IGSF21: variants seen among roughly 807,000 people sequenced by gnomAD.
IGSF21 encodes the protein immunoglobulin superfamily member 21.
Under a neutral mutation model 46.8 loss-of-function variants are expected in IGSF21, and 28 were observed. The ratio of observed to expected loss-of-function variants is 0.60; its 90% CI spans 0.44 to 0.82. IGSF21 has a LOEUF of 0.82. Among genes scored for constraint, IGSF21 ranks in the 40% least tolerant of loss-of-function variants. The pLI, the probability that IGSF21 is intolerant of heterozygous loss-of-function variation, is 0.00. For synonymous variants in IGSF21, 284 were observed against 273.6 expected, an observed-to-expected ratio of 1.04 and a Z score of -0.38; for missense variants, 624 against 665.5, an observed-to-expected ratio of 0.94 and a Z score of 0.69.
intron 3 of IGSF21, among the ~76,000 whole-genome samples, chr1:18,317,162 A>T (rs894379994): frequency 9.2e-5 from 14 of 152,172 alleles, no homozygotes; most frequent in African/African-American, 3.4e-4. Flanking sequence ...TTAGAACCAA[A>T]GCCTTCTCAG....
intron 1 of IGSF21, among the ~76,000 whole-genome samples, chr1:18,155,249 C>A (rs1055205834): frequency 6.6e-6 from 1 of 152,144 alleles, no homozygotes; most frequent in Admixed American, 6.5e-5. Flanking sequence ...ACCTGGCACC[C>A]AGCACGGGAT....
chr1:18,277,665 G>A (rs982018498), intron 2 of IGSF21, among the ~76,000 whole-genome samples: 16 of 152,254 alleles, frequency 1.1e-4, no homozygotes, highest in East Asian at 3.9e-4. Flanking sequence ...CAAACATAGC[G>A]TCTCCTTGAC....
chr1:18,224,532 T>A (rs755398437), intron 1 of IGSF21, among the ~76,000 whole-genome samples: 22 of 152,214 alleles, frequency 1.4e-4, no homozygotes, highest in Non-Finnish European at 2.2e-4. Flanking sequence ...TTTATTTGAT[T>A]ATGGGCTCTT....
At chr1:18,125,882 C>A (rs760783495) in intron 1 of IGSF21, among the ~76,000 whole-genome samples, 4 of 152,172 alleles carry the variant, frequency 2.6e-5, no homozygotes, top group African/African-American at 4.8e-5. Context: ...CCAGACCCTG[C>A]GCAGGCCTTG....
chr1:18,157,986 C>A (rs557497778), intron 1 of IGSF21, among the ~76,000 whole-genome samples: 1 of 152,280 alleles, frequency 6.6e-6, no homozygotes, highest in African/African-American at 2.4e-5. Context: ...AAAGGTAGAA[C>A]GTGCATCTCC....
At chr1:18,204,466 TTC>T (rs1326011168) in intron 1 of IGSF21, among the ~76,000 whole-genome samples, 1 of 152,180 alleles carries the variant, frequency 6.6e-6, no homozygotes, top group Non-Finnish European at 1.5e-5. Flanking sequence ...AAAATCTTCC[TTC>T]TTTGAGTGTG....
intron 2 of IGSF21, among the ~76,000 whole-genome samples, chr1:18,230,720 A>G (rs546222892): frequency 2.0e-5 from 3 of 152,142 alleles, no homozygotes; most frequent in East Asian, 3.9e-4. Context: ...TCTCTTCCCA[A>G]AGAGGCAGCT....
At chr1:18,320,244 A>G (rs2124593268) in intron 3 of IGSF21, among the ~76,000 whole-genome samples, 1 of 152,334 alleles carries the variant, frequency 6.6e-6, no homozygotes, top group Non-Finnish European at 1.5e-5. Context: ...AGGGGCTGAT[A>G]GGAGAAGCTG....
chr1:18,135,106 C>G (rs1417029373), intron 1 of IGSF21, among the ~76,000 whole-genome samples: 3 of 152,164 alleles, frequency 2.0e-5, no homozygotes, highest in Non-Finnish European at 4.4e-5. Flanking sequence ...CTTCAGGAAG[C>G]TGGGGAGAGA....
intron 2 of IGSF21, among the ~76,000 whole-genome samples, chr1:18,273,450 C>CT (rs1160242821): frequency 2.4e-5 from 2 of 84,630 alleles, no homozygotes; most frequent in African/African-American, 1.1e-4. Context: ...TTCTCACTTT[C>CT]TTTCTTTCTC....
chr1:18,363,789 G>C (rs901832050), intron 5 of IGSF21, among the ~76,000 whole-genome samples: 4 of 151,214 alleles, frequency 2.6e-5, no homozygotes, highest in African/African-American at 9.7e-5. Context: ...AGGTGGGATT[G>C]TGGGCAGAGG....
chr1:18,180,517 C>A (rs1055464977), intron 1 of IGSF21, among the ~76,000 whole-genome samples: 1 of 152,172 alleles, frequency 6.6e-6, no homozygotes, highest in Non-Finnish European at 1.5e-5. Flanking sequence ...CTGGATAAAA[C>A]AAAGTGTAGA....
intron 1 of IGSF21, among the ~76,000 whole-genome samples, chr1:18,191,500 A>T (rs74058324): frequency 1.3e-5 from 2 of 152,000 alleles, no homozygotes; most frequent in East Asian, 3.9e-4. Context: ...CTCTGGGGGA[A>T]GGAGGGGTTG....
chr1:18,294,618 C>T (rs541969500), intron 3 of IGSF21, among the ~76,000 whole-genome samples: 1 of 152,356 alleles, frequency 6.6e-6, no homozygotes, highest in African/African-American at 2.4e-5. Context: ...GGTCACACAG[C>T]GGCCCTGACT....
At chr1:18,132,587 T>G (rs912906243) in intron 1 of IGSF21, among the ~76,000 whole-genome samples, 2 of 152,156 alleles carry the variant, frequency 1.3e-5, no homozygotes, top group South Asian at 4.1e-4. Flanking sequence ...TACCCCATGA[T>G]TGCGTTCTGG....
chr1:18,240,880 T>A (rs897650145), intron 2 of IGSF21, among the ~76,000 whole-genome samples: 1 of 152,194 alleles, frequency 6.6e-6, no homozygotes, highest in African/African-American at 2.4e-5. Flanking sequence ...CTGTGCTGCC[T>A]CAAGCTCAGC....
chr1:18,211,821 C>A (rs983880925), intron 1 of IGSF21, among the ~76,000 whole-genome samples: 3 of 152,214 alleles, frequency 2.0e-5, no homozygotes, highest in African/African-American at 7.2e-5. Context: ...AGATGCCTCC[C>A]TGTTGCTCAC....
chr1:18,297,118 C>G (rs371745263), intron 3 of IGSF21, among the ~76,000 whole-genome samples: 11 of 152,188 alleles, frequency 7.2e-5, no homozygotes, highest in Middle Eastern at 3.2e-3. Context: ...GCCCGCCCCC[C>G]CACTAGACTG....
At chr1:18,236,112 G>T (rs2084670503) in intron 2 of IGSF21, among the ~76,000 whole-genome samples, 1 of 98,884 alleles carries the variant, frequency 1.0e-5, no homozygotes, top group Admixed American at 1.0e-4. Context: ...AGGTGATATG[G>T]TTTGGCTATG....
Sources: allele counts gnomAD v4.1 joint callset (sites outside exome capture counted in the v4.1 genomes callset), GRCh38; gene constraint gnomAD v4.1.1; transcripts MANE v1.5; gene names NCBI Gene and HGNC (gene_info 2026-07-23, HGNC 2026-07-21).